The following LRP1B variants were observed in gnomAD, a reference collection of about 807,000 sequenced individuals.
The protein encoded by LRP1B is LDL receptor related protein 1B.
Under a neutral mutation model 556.6 loss-of-function variants are expected in LRP1B, and 217 were observed. The observed-to-expected ratio is 0.39, with a 90% CI of 0.35 to 0.44. The LOEUF is 0.44. Ranked by LOEUF, LRP1B falls within the 20% of genes least tolerant of loss-of-function variation. The probability of loss-of-function intolerance (pLI) is 1.00; values close to 1 mark genes in which losing one functional copy is unlikely to be tolerated. For missense variants in LRP1B, 5,053 were observed against 5,620.8 expected (o/e 0.90, Z 3.23); for synonymous variants, 2,047 against 1,865.8 (o/e 1.10, Z -2.50).
intron 2 of LRP1B, among the ~76,000 whole-genome samples, chr2:141,763,873 A>T (rs1459872429): frequency 7.9e-6 from 1 of 125,876 alleles, no homozygotes; most frequent in Non-Finnish European, 1.7e-5. Flanking sequence ...TAAAAAGTGA[A>T]TATGCTTGAT....
intron 1 of LRP1B, among the ~76,000 whole-genome samples, chr2:141,964,581 T>C (rs1488917545): frequency 4.6e-5 from 7 of 151,946 alleles, no homozygotes; most frequent in African/African-American, 1.5e-4. Flanking sequence ...TTACACCTTA[T>C]ACAAAAATCA....
Position 141,711,260 on chromosome 2 carries a change from T to A in LRP1B, c.205+99019A>T, listed in dbSNP as rs111795957. 1.5e-3 allele frequency among the ~76,000 whole-genome samples: 229 copies of A among 152,338 alleles called. 1 individual carries two copies. The highest frequency in any genetic ancestry group is 5.2e-3 in the African/African-American group (217 of 41,582). ...GAGCTGACTTGGCAGGTAGCATACATCTGACTCTAGCTATCCAACCACATT... is the reference window on the plus strand; with the variant it reads ...GAGCTGACTTGGCAGGTAGCATACAACTGACTCTAGCTATCCAACCACATT... On this transcript the variant is annotated intron_variant, in intron 2 of 90. Coordinates refer to ENST00000389484, the MANE Select transcript of LRP1B (RefSeq NM_018557.3).
At chr2:141,108,321 T>C (rs1314043823) in intron 7 of LRP1B, among the ~76,000 whole-genome samples, 1 of 149,872 alleles carries the variant, frequency 6.7e-6, no homozygotes, top group Non-Finnish European at 1.5e-5. Flanking sequence ...AAAAATATGT[T>C]TATAATCTGT....
intron 2 of LRP1B, among the ~76,000 whole-genome samples, chr2:141,663,926 A>C (rs903883906): frequency 6.6e-5 from 10 of 151,732 alleles, no homozygotes; most frequent in Non-Finnish European, 1.3e-4. Context: ...ACATCAAAAA[A>C]AAAAAAAAAA....
rs545474026 is a variant in LRP1B, at chr2:140,450,679, GA to G, written c.9964-19del. 1.2e-4 allele frequency: 181 copies of G among 1,545,566 alleles called. No homozygotes were observed. The highest frequency in any genetic ancestry group is 7.7e-4 in the East Asian group (34 of 44,070). ...CAACGAAACTTAAAAAAGAAAAAAA[GA>G]AAAAAAAATGTTGAAGAACCCAGTG... is the stretch of plus-strand genomic sequence containing the variant. On this transcript the variant is annotated intron_variant, in intron 62 of 90. Coordinates refer to ENST00000389484, the MANE Select transcript of LRP1B (RefSeq NM_018557.3).
At chr2:141,333,591 C>CAA (rs1467193879) in intron 3 of LRP1B, among the ~76,000 whole-genome samples, 61 of 152,296 alleles carry the variant, frequency 4.0e-4, no homozygotes, top group Admixed American at 7.2e-4. Context: ...TATGTTTGCT[C>CAA]TTTCAATTTA....
intron 66 of LRP1B, among the ~76,000 whole-genome samples, chr2:140,405,479 AAGAAG>A (rs779616507): frequency 1.3e-5 from 2 of 152,204 alleles, no homozygotes; most frequent in East Asian, 1.9e-4. Flanking sequence ...TAACCAAGAA[AAGAAG>A]AGAAAAGATC....
intron 84 of LRP1B, among the ~76,000 whole-genome samples, chr2:140,285,318 C>T (rs1296008601): frequency 8.5e-5 from 6 of 70,632 alleles, no homozygotes; most frequent in African/African-American, 2.2e-4. Context: ...TATATACATA[C>T]ACACACATAT....
At chr2:141,376,428 C>A (rs182488480) in intron 3 of LRP1B, among the ~76,000 whole-genome samples, 4 of 152,302 alleles carry the variant, frequency 2.6e-5, no homozygotes, top group African/African-American at 9.6e-5. Flanking sequence ...CCTCTCCTTA[C>A]TTCTGGTGCT....
chr2:141,811,930 G>T (rs1696371118), intron 1 of LRP1B, among the ~76,000 whole-genome samples: 1 of 152,054 alleles, frequency 6.6e-6, no homozygotes, highest in Non-Finnish European at 1.5e-5. Flanking sequence ...AATAGTTTTG[G>T]GATGTCTGTA....
At chr2:140,985,348 T>G (rs547647611) in intron 17 of LRP1B, among the ~76,000 whole-genome samples, 1 of 151,082 alleles carries the variant, frequency 6.6e-6, no homozygotes, top group South Asian at 2.1e-4. Context: ...ACATTAGGGT[T>G]TTTTAAAATC....
chr2:141,925,877 G>A (rs983169884), intron 1 of LRP1B, among the ~76,000 whole-genome samples: 1 of 152,064 alleles, frequency 6.6e-6, no homozygotes, highest in Non-Finnish European at 1.5e-5. Flanking sequence ...TTGTAGGATG[G>A]CCTTAGCAAA....
chr2:140,450,731 T>C, intron 62 of LRP1B, 70 bp from the exon 63 acceptor site: 1 of 1,072,672 alleles, frequency 9.3e-7, no homozygotes, highest in Non-Finnish European at 1.4e-6. Context: ...ATTTAAAATT[T>C]GGCAACACAG....
At chr2:141,202,865 G>A (rs187022284) in intron 6 of LRP1B, among the ~76,000 whole-genome samples, 1 of 151,970 alleles carries the variant, frequency 6.6e-6, no homozygotes, top group African/African-American at 2.4e-5. Context: ...TTTTCCTAAC[G>A]TTATTGCTCC....
rs548142969 is a variant in LRP1B, at chr2:142,016,607, T to C, written c.82+114041A>G. 1.7e-3 allele frequency among the ~76,000 whole-genome samples: 252 copies of C among 151,458 alleles called. 1 individual carries two copies. Among genetic ancestry groups the C allele is most frequent in the African/African-American group, 5.8e-3 (238 of 41,232 alleles). On this transcript the variant is annotated intron_variant, in intron 1 of 90. Transcript: ENST00000389484. Reference sequence around the variant, plus strand: ...AAAACCAAACACCACATGTTCTCACTCATAAGTGGGAGTTGAACAATGAGA... The same window carrying C: ...AAAACCAAACACCACATGTTCTCACCCATAAGTGGGAGTTGAACAATGAGA...
intron 1 of LRP1B, among the ~76,000 whole-genome samples, chr2:142,088,976 A>G (rs1435424906): frequency 8.0e-5 from 3 of 37,722 alleles, no homozygotes; most frequent in Non-Finnish European, 2.0e-4. Flanking sequence ...CTCCGTCTCA[A>G]AAAAAAAAAA....
At chr2:140,550,415 A>G (rs1427325842) in intron 43 of LRP1B, among the ~76,000 whole-genome samples, 1 of 152,152 alleles carries the variant, frequency 6.6e-6, no homozygotes, top group Non-Finnish European at 1.5e-5. Flanking sequence ...AAAAGCAAAT[A>G]TCCCCAAACT....
chr2:140,862,736 T>C (rs1466170870), intron 27 of LRP1B, among the ~76,000 whole-genome samples: 1 of 152,198 alleles, frequency 6.6e-6, no homozygotes, highest in Non-Finnish European at 1.5e-5. Flanking sequence ...AGATAGCTGG[T>C]AAAATGTTAT....
chr2:140,540,289 A>G (rs924927498), intron 45 of LRP1B, among the ~76,000 whole-genome samples: 1 of 152,134 alleles, frequency 6.6e-6, no homozygotes, highest in Non-Finnish European at 1.5e-5. Flanking sequence ...TACCTTATAC[A>G]TAAATTGCCT....
Sources: gnomAD v4.1 joint callset for allele counts (sites outside exome capture counted in the v4.1 genomes callset) on GRCh38, gnomAD v4.1.1 for gene constraint, MANE v1.5 for transcripts, NCBI Gene and HGNC (gene_info 2026-07-23, HGNC 2026-07-21) for gene names.